Variants in SMG1 observed in about 807,000 individuals in gnomAD.
The protein encoded by SMG1 is serine/threonine-protein kinase SMG1.
A neutral mutation model predicts 419.9 loss-of-function variants in SMG1; 22 were observed. That is an observed-to-expected ratio of 0.05 (90% CI 0.04 to 0.07). The LOEUF (loss-of-function observed/expected upper bound fraction) is 0.07, where lower values mean the gene tolerates loss of function less well. Ranked by LOEUF, SMG1 falls within the 10% of genes least tolerant of loss-of-function variation. The pLI is 1.00. For missense variants in SMG1, 3,185 were observed against 4,342.0 expected (o/e 0.73, Z 7.49); for synonymous variants, 1,538 against 1,553.5 (o/e 0.99, Z 0.23).
At chr16:18,864,777 C>T (rs1172791103) in intron 23 of SMG1, among the ~76,000 whole-genome samples, 1 of 152,142 alleles carries the variant, frequency 6.6e-6, no homozygotes, top group African/African-American at 2.4e-5. Flanking sequence ...GCGCCCAGCC[C>T]CAAAGGAGTC....
In SMG1 at chr16:18,852,167, G is replaced by C. The variant is rs201196669; in HGVS notation, c.4952C>G (p.Ser1651Cys). ...GTCTGGAAGTAGATTCTGAACTTCA[G>C]ATTTTTCTCTAGGCAGCAGACGAAC... The part of the protein sequence containing the change: ...EGVRLLPREK[S>C]EVQNLLPDTI... Residue 1651 changes from serine to cysteine, a missense_variant, in exon 33 of 63, where the codon TCT becomes TGT. Ser to Cys is a moderately radical substitution (Grantham distance 112, BLOSUM62 -1). Coordinates refer to ENST00000446231, the MANE Select transcript of SMG1 (RefSeq NM_015092.5). The C allele has an allele frequency of 2.8e-4, 452 of 1,613,726 alleles. No homozygotes were observed. The highest frequency in any genetic ancestry group is 3.6e-4 in the Non-Finnish European group (427 of 1,179,846).
chr16:18,880,008 C>T (rs1304143779), intron 10 of SMG1, among the ~76,000 whole-genome samples: 3 of 152,192 alleles, frequency 2.0e-5, no homozygotes, highest in African/African-American at 7.2e-5. Context: ...CACTAAATGG[C>T]GGAAGCTCAG....
At chr16:18,901,044 T>G (rs2037326039) in intron 1 of SMG1, among the ~76,000 whole-genome samples, 2 of 151,408 alleles carry the variant, frequency 1.3e-5, no homozygotes, top group African/African-American at 4.9e-5. Flanking sequence ...ACAAATCTCT[T>G]CTTGCAGAGA....
chr16:18,813,200 G>A (rs1000366520), intron 60 of SMG1, among the ~76,000 whole-genome samples: 4 of 152,148 alleles, frequency 2.6e-5, no homozygotes, highest in East Asian at 1.9e-4. Flanking sequence ...TGGGATGGCT[G>A]GGTCAAATGG....
chr16:18,901,422 C>T (rs1487395247), intron 1 of SMG1, among the ~76,000 whole-genome samples: 1 of 152,062 alleles, frequency 6.6e-6, no homozygotes, highest in East Asian at 1.9e-4. Flanking sequence ...TTATGTTGCT[C>T]AGGCTGCTCT....
At chr16:18,890,572 C>T (rs2036830513) in intron 5 of SMG1, among the ~76,000 whole-genome samples, 1 of 152,190 alleles carries the variant, frequency 6.6e-6, no homozygotes, top group Non-Finnish European at 1.5e-5. Context: ...ATCACTTGAA[C>T]CCGAGAGGTG....
In SMG1 at chr16:18,925,980, T is replaced by C. The variant is rs1413380124; in HGVS notation, c.62A>G (p.Tyr21Cys). The C allele has an allele frequency of 1.3e-6, 2 of 1,576,874 alleles. No individual in the cohort carries two copies. The highest frequency in any genetic ancestry group is 8.6e-7 in the Non-Finnish European group (1 of 1,167,774). Residue 21 changes from tyrosine (Y) to cysteine (C), a missense_variant, in exon 1 of 63, where the codon TAT becomes TGT. Tyr to Cys is a radical substitution (Grantham distance 194, BLOSUM62 -2). Coordinates refer to ENST00000446231, the MANE Select transcript of SMG1 (RefSeq NM_015092.5). ...SSGGGGGGTK[Y>C]PRSWNDWQPR... ...TTGCCAGTCATTCCAGCTCCGCGGA[T>C]ACTTGGTGCCGCCGCCGCCGCCGCC...
rs1029432580 is a variant in SMG1 at position 18,829,216 on chromosome 16, T to C, written c.9603+70A>G. On this transcript the variant is annotated intron_variant, in intron 54 of 62. Coordinates refer to ENST00000446231, the MANE Select transcript of SMG1 (RefSeq NM_015092.5). The stretch of plus-strand genomic sequence containing the variant: ...TTAAAAAAATTTCTGTGTATTGTTT[T>C]AAATTAATTTCCCCCATTTTTCAAG... 3 of 1,321,672 alleles carry C rather than the reference T, an allele frequency of 2.3e-6. No individual in the cohort carries two copies. The African/African-American group carries it at 4.4e-5, about 20-fold the overall frequency. 81.9% of individuals were successfully genotyped at this position (1,321,672 alleles called of 1,614,324 possible).
chr16:18,890,809 T>C, intron 5 of SMG1, 54 bp downstream of exon 5: 2 of 997,164 alleles, frequency 2.0e-6, no homozygotes, highest in South Asian at 2.6e-5. Context: ...TGTTAAGTAA[T>C]TTCTAAAAAT....
chr16:18,890,754 A>G (rs77343391), intron 5 of SMG1, 109 bp downstream of exon 5: 1 of 661,846 alleles, frequency 1.5e-6, no homozygotes, highest in African/African-American at 1.8e-5. Context: ...TGAAATGTCA[A>G]TAGATGTTCA....
chr16:18,904,166 T>C (rs955963645), intron 1 of SMG1, among the ~76,000 whole-genome samples: 3 of 150,332 alleles, frequency 2.0e-5, no homozygotes, highest in African/African-American at 7.3e-5. Context: ...CTCGATCTCC[T>C]GATCTCGTGA....
Position 18,839,923 on chromosome 16 carries a change from A to C in SMG1, c.6720T>G (p.Pro2240=). ...GACGGGGTACAATTCCAGGATTCTG[A>C]GGAGTTTGGTAGGAATCTTGGGCCT... ...AQKAQDSYQT[P]QNPGIVPRPS... is the part of the protein sequence containing the mutation. The change falls in exon 42 of 63, where the codon CCT becomes CCG. Residue 2240 remains proline (P), a synonymous_variant. Coordinates refer to ENST00000446231, the MANE Select transcript of SMG1 (RefSeq NM_015092.5). 1 of 1,600,062 alleles carries C rather than the reference A, an allele frequency of 6.2e-7. No homozygotes were observed. Among genetic ancestry groups the C allele is most frequent in the Non-Finnish European group, 8.5e-7 (1 of 1,172,468 alleles).
chr16:18,854,086 T>A (rs1241002252), intron 30 of SMG1, among the ~76,000 whole-genome samples: 1 of 144,228 alleles, frequency 6.9e-6, no homozygotes, highest in Admixed American at 6.9e-5. Flanking sequence ...ACTAAACTTT[T>A]TTTTTTTTTT....
chr16:18,855,284 C>CTG (rs1200960975), intron 29 of SMG1, among the ~76,000 whole-genome samples: 2 of 152,158 alleles, frequency 1.3e-5, no homozygotes, highest in Non-Finnish European at 2.9e-5. Context: ...TCCTATCTTG[C>CTG]TGAAGAATCC....
intron 58 of SMG1, 52 bp from the exon 59 acceptor site, chr16:18,815,703 ACT>A (rs1253857376): frequency 7.5e-5 from 110 of 1,470,294 alleles, no homozygotes; most frequent in Non-Finnish European, 8.6e-5. Context: ...ATCAGTAATT[ACT>A]CTCAAGACAG....
chr16:18,809,480 A>C lies in SMG1; in HGVS notation c.*89T>G. ...TAAGCCCCCAGTTGCATCACCACCG[A>C]CTGTGGTGTGGCTTTGGATGCCTGA... On this transcript the variant is annotated 3_prime_UTR_variant, in exon 63 of 63. Coordinates refer to ENST00000446231, the MANE Select transcript of SMG1 (RefSeq NM_015092.5). 2 of 956,640 alleles carry C rather than the reference A, an allele frequency of 2.1e-6. No individual in the cohort carries two copies. The highest frequency in any genetic ancestry group is 3.3e-6 in the Non-Finnish European group (2 of 602,456). The allele number at this position is 956,640 out of a possible 1,614,324, so 59.3% of individuals were successfully genotyped here.
At chr16:18,904,068 G>C (rs1223925419) in intron 1 of SMG1, among the ~76,000 whole-genome samples, 1 of 150,412 alleles carries the variant, frequency 6.6e-6, no homozygotes, top group East Asian at 2.0e-4. Context: ...CTCCCGAGTA[G>C]CTGGAACTAC....
Position 18,811,543 on chromosome 16 carries a change from C to G in SMG1, c.10908+218G>C, listed in dbSNP as rs112639501. ...GATCGGACTTATATTTGGGTTAAAA[C>G]AGGGCTAGGGGAAAGGAAAGTGCTC... is the stretch of plus-strand genomic sequence containing the variant. On this transcript the variant is annotated intron_variant, in intron 62 of 62. Coordinates refer to ENST00000446231, the MANE Select transcript of SMG1 (RefSeq NM_015092.5). Among the ~76,000 whole-genome samples, 287 of 152,256 alleles carry G rather than the reference C, an allele frequency of 1.9e-3. 1 individual carries two copies. The highest frequency in any genetic ancestry group is 6.7e-3 in the African/African-American group (277 of 41,544).
Position 18,847,605 on chromosome 16 carries a change from A to C in SMG1, c.5844T>G (p.Val1948=). The change falls in exon 38 of 63, where the codon GTT becomes GTG. Residue 1948 remains valine (V), a splice_region_variant and synonymous_variant. Transcript: ENST00000446231. The part of the protein sequence containing the change: ...SSANPTMVLQ[V]QMLVAELRRV... The stretch of plus-strand genomic sequence containing the variant: ...TGCGCAGTTCAGCCACGAGCATCTG[A>C]ACCTGCATACACAGCACACCCAAAT... 6.2e-7 allele frequency: 1 copy of C among 1,614,004 alleles called. No individual in the cohort carries two copies. The highest frequency in any genetic ancestry group is 8.5e-7 in the Non-Finnish European group (1 of 1,179,902).
Sources: gnomAD v4.1 joint callset for allele counts (sites outside exome capture counted in the v4.1 genomes callset) on GRCh38, gnomAD v4.1.1 for gene constraint, MANE v1.5 for transcripts, NCBI Gene and HGNC (gene_info 2026-07-23, HGNC 2026-07-21) for gene names.